The following SAMD4A variants were observed in gnomAD, a reference collection of about 807,000 sequenced individuals.
The protein encoded by SAMD4A is protein Smaug homolog 1.
A neutral mutation model predicts 81.3 loss-of-function variants in SAMD4A; 33 were observed. The observed-to-expected ratio is 0.41, with a 90% confidence interval of 0.31 to 0.54. SAMD4A has a LOEUF of 0.54. SAMD4A is among the 20% of genes least tolerant of loss of function. The pLI, the probability that SAMD4A is intolerant of heterozygous loss-of-function variation, is 0.37. For synonymous variants in SAMD4A, 389 were observed against 382.1 expected, an observed-to-expected ratio of 1.02 and a Z score of -0.21; for missense variants, 854 against 951.1, an observed-to-expected ratio of 0.90 and a Z score of 1.34.
At chr14:54,663,991 T>C (rs2035700894) in intron 2 of SAMD4A, among the ~76,000 whole-genome samples, 1 of 152,206 alleles carries the variant, frequency 6.6e-6, no homozygotes, top group Non-Finnish European at 1.5e-5. Flanking sequence ...AAATGAAATA[T>C]GAGTGGGAGA....
At chr14:54,719,013 AAAG>A in intron 3 of SAMD4A, among the ~76,000 whole-genome samples, 1 of 151,756 alleles carries the variant, frequency 6.6e-6, no homozygotes, top group South Asian at 2.1e-4. Context: ...AAAAAAAAAA[AAAG>A]AAAAAAAAGA....
intron 2 of SAMD4A, among the ~76,000 whole-genome samples, chr14:54,674,614 C>T (rs1195193888): frequency 2.0e-5 from 3 of 152,092 alleles, no homozygotes; most frequent in Non-Finnish European, 4.4e-5. Context: ...ATGGTGTCTA[C>T]CTTTCTACAG....
intron 9 of SAMD4A, among the ~76,000 whole-genome samples, chr14:54,772,550 A>G (rs1306910990): frequency 6.6e-6 from 1 of 152,248 alleles, no homozygotes; most frequent in East Asian, 1.9e-4. Context: ...TCCAGTGACT[A>G]TAAGTATCCC....
At chr14:54,756,058 A>G (rs1247940601) in intron 6 of SAMD4A, among the ~76,000 whole-genome samples, 1 of 152,126 alleles carries the variant, frequency 6.6e-6, no homozygotes, top group Non-Finnish European at 1.5e-5. Flanking sequence ...CAGATCTGAG[A>G]CCCCCAATTC....
intron 3 of SAMD4A, among the ~76,000 whole-genome samples, chr14:54,721,425 T>C (rs1195142756): frequency 6.6e-6 from 1 of 152,228 alleles, no homozygotes; most frequent in Non-Finnish European, 1.5e-5. Context: ...GAGCCATTGA[T>C]TTTAAGTGGG....
Position 54,656,140 on chromosome 14 carries a change from A to C in SAMD4A, c.197-45922A>C, listed in dbSNP as rs1045984028. 2.6e-5 allele frequency among the ~76,000 whole-genome samples: 4 copies of C among 152,174 alleles called. No homozygotes were observed. In the South Asian group the frequency reaches 8.3e-4, roughly 32 times the overall value. ...AAACGAACACAAATCAGACAGGCAG[A>C]ATTGGTTAGAGTCTTACCCTTTAAC... is the stretch of plus-strand genomic sequence containing the variant. On this transcript the variant is annotated intron_variant, in intron 2 of 12. Coordinates refer to ENST00000554335, the MANE Select transcript of SAMD4A (RefSeq NM_015589.6).
At chr14:54,584,359 G>A (rs935336885) in intron 2 of SAMD4A, among the ~76,000 whole-genome samples, 1 of 152,166 alleles carries the variant, frequency 6.6e-6, no homozygotes, top group African/African-American at 2.4e-5. Context: ...TAGCAGCTGA[G>A]GCATAAAACA....
At chr14:54,696,460 G>A (rs999417411) in intron 2 of SAMD4A, among the ~76,000 whole-genome samples, 7 of 152,230 alleles carry the variant, frequency 4.6e-5, no homozygotes, top group Non-Finnish European at 8.8e-5. Context: ...TACTTCTTCT[G>A]TGTGTGCATT....
At chr14:54,706,621 G>T (rs1165409557) in intron 3 of SAMD4A, among the ~76,000 whole-genome samples, 1 of 150,638 alleles carries the variant, frequency 6.6e-6, no homozygotes, top group Non-Finnish European at 1.5e-5. Context: ...AAAAAAGAAA[G>T]AAAGAAAGAA....
At chr14:54,675,652 A>G (rs2035978622) in intron 2 of SAMD4A, among the ~76,000 whole-genome samples, 1 of 152,242 alleles carries the variant, frequency 6.6e-6, no homozygotes, top group South Asian at 2.1e-4. Flanking sequence ...TAGAGTTGTC[A>G]TATCAAATTA....
intron 3 of SAMD4A, among the ~76,000 whole-genome samples, chr14:54,708,397 A>T (rs2036909456): frequency 6.6e-6 from 1 of 152,172 alleles, no homozygotes; most frequent in Admixed American, 6.5e-5. Context: ...TGTCTGTTGG[A>T]GATACTGAGT....
At chr14:54,736,699 A>G (rs1344614773) in intron 3 of SAMD4A, among the ~76,000 whole-genome samples, 4 of 152,216 alleles carry the variant, frequency 2.6e-5, no homozygotes, top group African/African-American at 9.6e-5. Flanking sequence ...GCCTTGCCTG[A>G]TTTACGGACC....
At chr14:54,685,786 G>C (rs2036253012) in intron 2 of SAMD4A, 1 of 456,584 alleles carries the variant, frequency 2.2e-6, no homozygotes, top group African/African-American at 2.0e-5. Context: ...TCCATCTCCA[G>C]AATTCCATGA....
At chr14:54,628,809 C>T (rs2034826731) in intron 2 of SAMD4A, among the ~76,000 whole-genome samples, 1 of 152,222 alleles carries the variant, frequency 6.6e-6, no homozygotes, top group African/African-American at 2.4e-5. Context: ...TGAACCTCTA[C>T]AGTGTGGCTC....
At chr14:54,773,554 C>T (rs576241146) in intron 9 of SAMD4A, among the ~76,000 whole-genome samples, 1 of 152,246 alleles carries the variant, frequency 6.6e-6, no homozygotes, top group Non-Finnish European at 1.5e-5. Flanking sequence ...AGGATGCGTT[C>T]TTCAGTGCTG....
In SAMD4A at chr14:54,776,440, C is replaced by T; in HGVS notation, c.1944C>T (p.Gly648=). ...RQNLWFANPG[G]SNSMPSRTHS... is the part of the protein sequence containing the mutation. ...ACCTGTGGTTTGCCAACCCCGGGGGCAGCAATAGCATGCCAAGCCGCACCC... is the reference window on the plus strand; with the variant it reads ...ACCTGTGGTTTGCCAACCCCGGGGGTAGCAATAGCATGCCAAGCCGCACCC... The change falls in exon 11 of 13, where the codon GGC becomes GGT. Residue 648 remains glycine (G), a synonymous_variant. Transcript: ENST00000554335. 1 of 1,593,232 alleles carries T rather than the reference C, an allele frequency of 6.3e-7. No individual in the cohort carries two copies. The highest frequency in any genetic ancestry group is 1.1e-5 in the South Asian group (1 of 87,798).
At chr14:54,588,317 T>G (rs2033680102) in intron 2 of SAMD4A, among the ~76,000 whole-genome samples, 1 of 152,162 alleles carries the variant, frequency 6.6e-6, no homozygotes, top group South Asian at 2.1e-4. Context: ...TATTTATCTT[T>G]TCAAAGAACC....
intron 2 of SAMD4A, among the ~76,000 whole-genome samples, chr14:54,670,467 C>T (rs1594791106): frequency 6.6e-6 from 1 of 152,148 alleles, no homozygotes; most frequent in Non-Finnish European, 1.5e-5. Flanking sequence ...GTGTAGAGGA[C>T]GGAGCCAGAC....
intron 2 of SAMD4A, among the ~76,000 whole-genome samples, chr14:54,668,202 G>A (rs1433918589): frequency 6.6e-6 from 1 of 152,150 alleles, no homozygotes; most frequent in Non-Finnish European, 1.5e-5. Flanking sequence ...TACAACTTGT[G>A]CCTTTGCACA....
Sources: gnomAD v4.1 joint callset for allele counts (sites outside exome capture counted in the v4.1 genomes callset) on GRCh38, gnomAD v4.1.1 for gene constraint, MANE v1.5 for transcripts, NCBI Gene and HGNC (gene_info 2026-07-23, HGNC 2026-07-21) for gene names.